The following TBL1XR1 variants were observed in gnomAD, a reference collection of about 807,000 sequenced individuals.
The protein encoded by TBL1XR1 is F-box-like/WD repeat-containing protein TBL1XR1.
TBL1XR1 carries 5 observed loss-of-function variants against 66.9 expected under a neutral mutation model. The ratio of observed to expected loss-of-function variants is 0.07; its 90% CI spans 0.04 to 0.16. The LOEUF (loss-of-function observed/expected upper bound fraction) is 0.16, where lower values mean the gene tolerates loss of function less well. Ranked by LOEUF, TBL1XR1 falls within the 10% of genes least tolerant of loss-of-function variation. TBL1XR1 has a pLI of 1.00. For missense variants in TBL1XR1, 238 were observed against 623.2 expected (o/e 0.38, Z 6.58); for synonymous variants, 210 against 206.0 (o/e 1.02, Z -0.17).
chr3:177,130,144 C>CAAAAAA (rs779815590), intron 1 of TBL1XR1, among the ~76,000 whole-genome samples: 9 of 89,078 alleles, frequency 1.0e-4, no homozygotes, highest in Admixed American at 1.4e-4. Flanking sequence ...GACTCCATCT[C>CAAAAAA]AAAAAAAAAA....
chr3:177,186,496 T>G (rs2108989234), intron 1 of TBL1XR1, among the ~76,000 whole-genome samples: 1 of 152,312 alleles, frequency 6.6e-6, no homozygotes, highest in South Asian at 2.1e-4. Flanking sequence ...TGTGAGTTAA[T>G]GACATATGAT....
At chr3:177,084,872 A>G (rs147902224) in intron 2 of TBL1XR1, among the ~76,000 whole-genome samples, 1 of 152,152 alleles carries the variant, frequency 6.6e-6, no homozygotes, top group Non-Finnish European at 1.5e-5. Flanking sequence ...TTTGTTTTTC[A>G]TATGTTGTCC....
intron 1 of TBL1XR1, among the ~76,000 whole-genome samples, chr3:177,179,185 C>A (rs1037636152): frequency 1.6e-4 from 24 of 149,810 alleles, no homozygotes; most frequent in Non-Finnish European, 3.1e-4. Flanking sequence ...CGCACAACAA[C>A]CCCCTCCAAA....
intron 2 of TBL1XR1, among the ~76,000 whole-genome samples, chr3:177,077,874 T>C (rs928145025): frequency 6.6e-6 from 1 of 152,244 alleles, no homozygotes; most frequent in African/African-American, 2.4e-5. Flanking sequence ...AGTAAAAAGA[T>C]TATTGACCAG....
At chr3:177,050,177 T>G (rs1251753632) in intron 6 of TBL1XR1, 39 bp from the exon 7 acceptor site, 3 of 1,602,458 alleles carry the variant, frequency 1.9e-6, no homozygotes, top group African/African-American at 2.7e-5. Flanking sequence ...CCTCATGACA[T>G]TCTCACGTAT....
At chr3:177,069,736 C>G (rs1035549959) in intron 2 of TBL1XR1, among the ~76,000 whole-genome samples, 1 of 122,632 alleles carries the variant, frequency 8.2e-6, no homozygotes, top group Non-Finnish European at 1.6e-5. Context: ...AAAACTCTGA[C>G]GAAAGAAAAG....
At chr3:177,196,271 A>T (rs923021059) in intron 1 of TBL1XR1, 3 of 152,184 alleles carry the variant, frequency 2.0e-5, no homozygotes, top group African/African-American at 7.2e-5. Flanking sequence ...AGTTACCGAG[A>T]AACCACCCTC....
chr3:177,101,874 C>G (rs1724262689), intron 1 of TBL1XR1, among the ~76,000 whole-genome samples: 1 of 152,072 alleles, frequency 6.6e-6, no homozygotes, highest in African/African-American at 2.4e-5. Flanking sequence ...CTCCAAATAG[C>G]ATTATGTACA....
upstream of TBL1XR1, among the ~76,000 whole-genome samples, chr3:177,197,590 G>A (rs562166570): frequency 2.3e-3 from 312 of 138,218 alleles, 2 homozygotes; most frequent in African/African-American, 7.9e-3. Context: ...CGGCGGCCGC[G>A]CAGCAAAACA....
upstream of TBL1XR1, among the ~76,000 whole-genome samples, chr3:177,200,890 G>A (rs1019758847): frequency 1.3e-5 from 2 of 151,472 alleles, no homozygotes; most frequent in African/African-American, 2.4e-5. Flanking sequence ...GCCTGTAATC[G>A]CAGCTACTTG....
chr3:177,145,948 A>G (rs190511443), intron 1 of TBL1XR1, among the ~76,000 whole-genome samples: 1 of 152,358 alleles, frequency 6.6e-6, no homozygotes, highest in Admixed American at 6.5e-5. Context: ...CCCTCCAAAC[A>G]AAAGTAATTT....
chr3:177,052,622 T>G (rs1377041555), intron 4 of TBL1XR1, among the ~76,000 whole-genome samples: 1 of 152,238 alleles, frequency 6.6e-6, no homozygotes, highest in Non-Finnish European at 1.5e-5. Flanking sequence ...AGTTTTGCGT[T>G]ACTGGATGGT....
intron 10 of TBL1XR1, among the ~76,000 whole-genome samples, chr3:177,040,298 G>C (rs550275890): frequency 6.6e-6 from 1 of 152,280 alleles, no homozygotes; most frequent in East Asian, 1.9e-4. Context: ...CTGGGCAACA[G>C]AGTAAGACTA....
intron 2 of TBL1XR1, among the ~76,000 whole-genome samples, chr3:177,090,016 A>AG (rs755762448): frequency 2.0e-5 from 3 of 152,246 alleles, no homozygotes; most frequent in Non-Finnish European, 4.4e-5. Context: ...AAGGAACATA[A>AG]GATGGCATAA....
intron 1 of TBL1XR1, among the ~76,000 whole-genome samples, chr3:177,103,461 C>CT (rs1724481889): frequency 1.3e-5 from 2 of 152,174 alleles, no homozygotes; most frequent in African/African-American, 2.4e-5. Flanking sequence ...TTAGATAAGG[C>CT]TTACAGCATA....
intron 2 of TBL1XR1, among the ~76,000 whole-genome samples, chr3:177,096,337 C>CAT (rs985259586): frequency 2.6e-5 from 4 of 151,376 alleles, no homozygotes; most frequent in Non-Finnish European, 4.4e-5. Flanking sequence ...TACATACATA[C>CAT]ACACACACAC....
At chr3:177,051,239 G>A (rs1164552804) in intron 5 of TBL1XR1, among the ~76,000 whole-genome samples, 1 of 151,904 alleles carries the variant, frequency 6.6e-6, no homozygotes, top group East Asian at 1.9e-4. Flanking sequence ...TAGAAGATGG[G>A]GCATTTCTTC....
At chr3:177,197,618 C>CCGGGCGGGCGGGCGGGCGGG (rs1311855525), upstream of TBL1XR1, among the ~76,000 whole-genome samples, 1 of 130,690 alleles carries the variant, frequency 7.7e-6, no homozygotes, top group Admixed American at 7.5e-5. Context: ...GCGGCCTGCG[C>CCGGGCGGGCGGGCGGGCGGG]CGGGCGGGCG....
intron 3 of TBL1XR1, among the ~76,000 whole-genome samples, chr3:177,062,420 C>A (rs866553897): frequency 1.3e-5 from 2 of 152,188 alleles, no homozygotes; most frequent in African/African-American, 2.4e-5. Flanking sequence ...ATTCCCAGGC[C>A]CCACTCAGTG....
Sources: gnomAD v4.1 joint callset for allele counts (sites outside exome capture counted in the v4.1 genomes callset) on GRCh38, gnomAD v4.1.1 for gene constraint, MANE v1.5 for transcripts, NCBI Gene and HGNC (gene_info 2026-07-23, HGNC 2026-07-21) for gene names.